The following AGBL1 variants were observed in gnomAD, a reference collection of about 807,000 sequenced individuals.
AGBL1 encodes AGBL carboxypeptidase 1.
A neutral mutation model predicts 118.9 loss-of-function variants in AGBL1; 130 were observed. That is an observed-to-expected ratio of 1.09 (90% CI 0.95 to 1.26). The LOEUF (loss-of-function observed/expected upper bound fraction) is 1.26. AGBL1 is among the 50% of genes most tolerant of loss of function. The pLI is 0.00. For missense variants in AGBL1, 1,584 were observed against 1,298.1 expected (o/e 1.22, Z -3.38); for synonymous variants, 555 against 478.9 (o/e 1.16, Z -2.08).
intron 23 of AGBL1, among the ~76,000 whole-genome samples, chr15:86,977,970 TTTA>T (rs2081192006): frequency 6.6e-6 from 1 of 152,102 alleles, no homozygotes; most frequent in East Asian, 1.9e-4. Context: ...AATGTTAAAT[TTTA>T]TCAAAATTAT....
chr15:86,565,881 T>A (rs917378619), intron 21 of AGBL1, among the ~76,000 whole-genome samples: 9 of 152,216 alleles, frequency 5.9e-5, no homozygotes, highest in Non-Finnish European at 1.0e-4. Context: ...GATCTCAGAC[T>A]GCTGTGCTAG....
intron 22 of AGBL1, among the ~76,000 whole-genome samples, chr15:86,810,166 C>T (rs937465931): frequency 6.6e-5 from 10 of 151,998 alleles, no homozygotes; most frequent in Non-Finnish European, 1.2e-4. Context: ...TTCCTTTCCT[C>T]GGGACTAAGT....
At chr15:86,720,346 A>G (rs1373952035) in intron 22 of AGBL1, among the ~76,000 whole-genome samples, 1 of 152,138 alleles carries the variant, frequency 6.6e-6, no homozygotes, top group Non-Finnish European at 1.5e-5. Flanking sequence ...TCTTCTCTTC[A>G]GTTATGTTTA....
intron 5 of AGBL1, among the ~76,000 whole-genome samples, chr15:86,172,576 C>T (rs1003426951): frequency 1.3e-5 from 2 of 152,156 alleles, no homozygotes; most frequent in Non-Finnish European, 2.9e-5. Flanking sequence ...TTAGCTCAGA[C>T]ATGTGACTGA....
At chr15:86,889,366 G>T (rs148373384) in intron 22 of AGBL1, among the ~76,000 whole-genome samples, 2 of 141,670 alleles carry the variant, frequency 1.4e-5, no homozygotes, top group African/African-American at 5.2e-5. Flanking sequence ...GTGGGTGGGG[G>T]GTATTTGTGT....
At chr15:86,972,107 C>T (rs772926749) in intron 23 of AGBL1, among the ~76,000 whole-genome samples, 4 of 151,944 alleles carry the variant, frequency 2.6e-5, no homozygotes, top group East Asian at 1.9e-4. Context: ...AATACAAAAA[C>T]GAACTAATAC....
intron 23 of AGBL1, among the ~76,000 whole-genome samples, chr15:86,954,825 C>T (rs2080914376): frequency 6.6e-6 from 1 of 152,102 alleles, no homozygotes; most frequent in Non-Finnish European, 1.5e-5. Flanking sequence ...AAAAATGTTC[C>T]ATCTGTTATT....
At chr15:86,155,417 T>C (rs1597467805) in intron 4 of AGBL1, among the ~76,000 whole-genome samples, 2 of 152,146 alleles carry the variant, frequency 1.3e-5, no homozygotes, top group African/African-American at 4.8e-5. Context: ...GACCCTGCAC[T>C]CCAGCCTGGG....
chr15:86,249,850 C>T (rs1158742637), intron 7 of AGBL1, among the ~76,000 whole-genome samples: 3 of 152,210 alleles, frequency 2.0e-5, no homozygotes, highest in Non-Finnish European at 4.4e-5. Context: ...GTGGAGAAAA[C>T]ACCAAATGAA....
At chr15:86,442,066 A>G (rs2082070697) in intron 18 of AGBL1, among the ~76,000 whole-genome samples, 1 of 152,256 alleles carries the variant, frequency 6.6e-6, no homozygotes, top group Non-Finnish European at 1.5e-5. Flanking sequence ...GAAGGGAGCT[A>G]AGAGTCAAGA....
intron 21 of AGBL1, among the ~76,000 whole-genome samples, chr15:86,602,722 G>A (rs2084515464): frequency 6.6e-6 from 1 of 152,122 alleles, no homozygotes; most frequent in Non-Finnish European, 1.5e-5. Context: ...TTAAAGATCA[G>A]GACTTAACTA....
intron 22 of AGBL1, among the ~76,000 whole-genome samples, chr15:86,740,832 C>T (rs1447477858): frequency 6.6e-6 from 1 of 151,996 alleles, no homozygotes; most frequent in Non-Finnish European, 1.5e-5. Flanking sequence ...TTGTGAATTC[C>T]AGTTAGGAAA....
At chr15:86,192,529 A>T (rs956042822) in intron 5 of AGBL1, among the ~76,000 whole-genome samples, 3 of 152,076 alleles carry the variant, frequency 2.0e-5, no homozygotes, top group Non-Finnish European at 4.4e-5. Flanking sequence ...ATCTGGTCAT[A>T]CACTAAAGCT....
rs1406578334 is a variant in AGBL1, at chr15:86,879,883, A to T, written c.3159-27204A>T. On this transcript the variant is annotated intron_variant, in intron 22 of 22. Coordinates refer to ENST00000614907, the MANE Select transcript of AGBL1 (RefSeq NM_001386094.1). Reference sequence around the variant, plus strand: ...ATGTTGCCAGAATACCCATGGGACCATGTCTTCTTGTCATTCCACCACCAA... The same window carrying T: ...ATGTTGCCAGAATACCCATGGGACCTTGTCTTCTTGTCATTCCACCACCAA... Among the ~76,000 whole-genome samples the T allele has an allele frequency of 2.6e-5, 4 of 152,180 alleles. No homozygotes were observed. The East Asian group carries it at 7.7e-4, about 29-fold the overall frequency.
chr15:86,356,376 G>C (rs983409906), intron 17 of AGBL1, among the ~76,000 whole-genome samples: 1 of 151,964 alleles, frequency 6.6e-6, no homozygotes, highest in Admixed American at 6.5e-5. Context: ...CCGCACGCAC[G>C]CGCATGTGTC....
chr15:87,027,925 A>C (rs574082323), intron 24 of AGBL1, among the ~76,000 whole-genome samples: 1 of 151,998 alleles, frequency 6.6e-6, no homozygotes, highest in African/African-American at 2.4e-5. Context: ...AAGAATAACT[A>C]ATGGCTGCTG....
chr15:86,993,231 G>A (rs1278024881), intron 24 of AGBL1, among the ~76,000 whole-genome samples: 5 of 152,114 alleles, frequency 3.3e-5, no homozygotes, highest in African/African-American at 1.2e-4. Flanking sequence ...CTAAGCAGCT[G>A]GATCCTTATT....
rs143715851 is a variant in AGBL1 at position 86,318,115 on chromosome 15, T to C, written c.2374+22707T>C. 2.0e-3 allele frequency among the ~76,000 whole-genome samples: 304 copies of C among 152,344 alleles called. 2 individuals carry two copies. Among genetic ancestry groups the C allele is most frequent in the Middle Eastern group, 6.8e-3 (2 of 294 alleles). ...AATGTCTGTCATCAAAAGTTTTATG[T>C]CCTAATTAGCTGGACAGCTTGGGCA... On this transcript the variant is annotated intron_variant, in intron 17 of 22. Transcript: ENST00000614907.
chr15:86,508,359 AAG>A (rs1267541216), intron 18 of AGBL1, among the ~76,000 whole-genome samples: 2 of 151,904 alleles, frequency 1.3e-5, no homozygotes, highest in Non-Finnish European at 2.9e-5. Context: ...AAAGTGTGTT[AAG>A]AGAGAGAGGG....
Sources: gnomAD v4.1 joint callset for allele counts (sites outside exome capture counted in the v4.1 genomes callset) on GRCh38, gnomAD v4.1.1 for gene constraint, MANE v1.5 for transcripts, NCBI Gene and HGNC (gene_info 2026-07-23, HGNC 2026-07-21) for gene names.